The following HNF4A variants were observed in gnomAD, a reference collection of about 807,000 sequenced individuals.
HNF4A encodes the protein hepatocyte nuclear factor 4-alpha.
A neutral mutation model predicts 52.4 loss-of-function variants in HNF4A; 15 were observed. The observed-to-expected ratio is 0.29, with a 90% CI of 0.19 to 0.44. The LOEUF is 0.44. Among genes scored for constraint, HNF4A ranks in the 20% least tolerant of loss-of-function variants. HNF4A has a pLI of 1.00. For missense variants in HNF4A, 479 were observed against 647.2 expected (o/e 0.74, Z 2.82); for synonymous variants, 280 against 264.4 (o/e 1.06, Z -0.57).
intron 5 of HNF4A, among the ~76,000 whole-genome samples, chr20:44,416,106 A>G (rs1393521667): frequency 6.6e-6 from 1 of 152,104 alleles, no homozygotes; most frequent in African/African-American, 2.4e-5. Context: ...ATAACACAGG[A>G]CAATCATTAA....
chr20:44,371,476 G>A (rs928478499), intron 1 of HNF4A, among the ~76,000 whole-genome samples: 16 of 152,094 alleles, frequency 1.1e-4, no homozygotes, highest in Admixed American at 8.5e-4. Context: ...ACGGGGTTTC[G>A]CCATGTTGGC....
In HNF4A at chr20:44,414,523, C is replaced by G. The variant is rs768495780; in HGVS notation, c.509C>G (p.Ser170Cys). 1.9e-6 allele frequency: 3 copies of G among 1,614,248 alleles called. No homozygotes were observed. Among genetic ancestry groups the G allele is most frequent in the Middle Eastern group, 1.6e-4 (1 of 6,062 alleles). The change falls in exon 5 of 10, where the codon TCC becomes TGC. Residue 170 changes from serine (S) to cysteine (C), a missense_variant. Physicochemically the swap from Ser to Cys is moderately radical, Grantham distance 112. Transcript: ENST00000316099. ...CTCTCGAAGATCACCTCCCCCGTCT[C>G]CGGGATCAACGGCGACATTCGGGCG...
chr20:44,420,126 G>T (rs183771350), intron 7 of HNF4A, among the ~76,000 whole-genome samples: 1 of 152,188 alleles, frequency 6.6e-6, no homozygotes. Flanking sequence ...GAGGTCAGGG[G>T]TTCAAGATGA....
At chr20:44,403,093 G>A (rs1398600533) in intron 1 of HNF4A, among the ~76,000 whole-genome samples, 1 of 152,212 alleles carries the variant, frequency 6.6e-6, no homozygotes, top group Non-Finnish European at 1.5e-5. Context: ...TGCACTAGGT[G>A]GAGTGTTGTG....
At chr20:44,386,775 G>A (rs1036587301) in intron 1 of HNF4A, among the ~76,000 whole-genome samples, 14 of 152,148 alleles carry the variant, frequency 9.2e-5, no homozygotes, top group African/African-American at 2.9e-4. Context: ...TAGTGCTTAG[G>A]TCAAGAAACC....
chr20:44,406,759 G>A (rs1038714320), intron 2 of HNF4A, among the ~76,000 whole-genome samples: 7 of 152,226 alleles, frequency 4.6e-5, no homozygotes, highest in Admixed American at 2.6e-4. Context: ...CACTTGTCAT[G>A]TACAAAGACT....
chr20:44,358,586 G>A (rs1392518837), intron 1 of HNF4A, among the ~76,000 whole-genome samples: 1 of 151,988 alleles, frequency 6.6e-6, no homozygotes, highest in African/African-American at 2.4e-5. Flanking sequence ...ACTCCAGCTT[G>A]GGCAGCAGAA....
At position 44,406,440 on chromosome 20, in the gene HNF4A, C is replaced by T. The variant is rs566353108; in HGVS notation, c.290+208C>T. 2.6e-5 allele frequency among the ~76,000 whole-genome samples: 4 copies of T among 152,294 alleles called. No homozygotes were observed. In the South Asian group the frequency reaches 8.3e-4, roughly 32 times the overall value. ...TACTGATCATCAAGCTACTGGCTGC[C>T]GTTTATTGAGCTCTTATCATATGCC... On this transcript the variant is annotated intron_variant, in intron 2 of 9. Coordinates refer to ENST00000316099, the MANE Select transcript of HNF4A (RefSeq NM_000457.6).
intron 7 of HNF4A, among the ~76,000 whole-genome samples, chr20:44,421,793 T>TTA (rs767885296): frequency 4.8e-5 from 7 of 145,972 alleles, no homozygotes; most frequent in Admixed American, 6.9e-5. Flanking sequence ...ATAATATATA[T>TTA]TATATATATA....
In HNF4A at chr20:44,388,372, A is replaced by AC. The variant is rs11484360; in HGVS notation, c.50-17678dup. ...ACAAAGCCTGGAACCTTCCTCAAAG[A>AC]CCCCCCCCACCCCCGTACATTGGAA... On this transcript the variant is annotated intron_variant, in intron 1 of 9. Transcript: ENST00000316673. Among the ~76,000 whole-genome samples, 736 of 89,564 alleles carry AC rather than the reference A, an allele frequency of 8.2e-3. 194 individuals carry two copies. The highest frequency in any genetic ancestry group is 0.049 in the African/African-American group (595 of 12,138). 58.8% of individuals were successfully genotyped at this position (89,564 alleles called of 152,430 possible).
intron 2 of HNF4A, 118 bp from the exon 3 acceptor site, chr20:44,407,263 G>A (rs1309853935): frequency 1.0e-5 from 8 of 772,724 alleles, no homozygotes; most frequent in Non-Finnish European, 1.6e-5. Flanking sequence ...GAGAACTCCC[G>A]GGATGAAGAG....
At chr20:44,356,176 C>G (rs1331290024) in intron 1 of HNF4A, among the ~76,000 whole-genome samples, 1 of 152,148 alleles carries the variant, frequency 6.6e-6, no homozygotes, top group Non-Finnish European at 1.5e-5. Context: ...TTGGAAGCAC[C>G]GTCCTGTTTC....
chr20:44,363,942 G>A (rs889692124), intron 1 of HNF4A, among the ~76,000 whole-genome samples: 2 of 151,868 alleles, frequency 1.3e-5, no homozygotes, highest in Non-Finnish European at 1.5e-5. Flanking sequence ...CTCCCACCTC[G>A]GCCTCCCAAA....
At chr20:44,428,253 C>T (rs2063834975) in intron 8 of HNF4A, 82 bp from the exon 9 acceptor site, 2 of 1,450,520 alleles carry the variant, frequency 1.4e-6, no homozygotes, top group South Asian at 1.1e-5. Context: ...GGTTGATTGG[C>T]CACGCCTGAG....
intron 3 of HNF4A, among the ~76,000 whole-genome samples, chr20:44,410,669 G>A (rs2063568696): frequency 6.6e-6 from 1 of 152,074 alleles, no homozygotes; most frequent in South Asian, 2.1e-4. Flanking sequence ...TGGAAAGGTA[G>A]GATTTCAAGA....
intron 1 of HNF4A, among the ~76,000 whole-genome samples, chr20:44,382,597 A>G (rs1011066695): frequency 7.9e-5 from 12 of 152,212 alleles, no homozygotes; most frequent in African/African-American, 2.9e-4. Context: ...AAGTATTCAT[A>G]TTAAAATGAA....
chr20:44,419,703 C>T lies in HNF4A; in HGVS notation c.737-18C>T. 1 of 1,564,802 alleles carries T rather than the reference C, an allele frequency of 6.4e-7. No homozygotes were observed. The highest frequency in any genetic ancestry group is 8.8e-7 in the Non-Finnish European group (1 of 1,138,578). On this transcript the variant is annotated intron_variant, in intron 6 of 9. Coordinates refer to ENST00000316099, the MANE Select transcript of HNF4A (RefSeq NM_000457.6). ...CCCAAGGTGACTTCCCATCCTCCCT[C>T]CCTCCCAACCCTTCCAGGCAATGAC...
chr20:44,356,298 C>T (rs1418817841), intron 1 of HNF4A, among the ~76,000 whole-genome samples: 2 of 152,166 alleles, frequency 1.3e-5, no homozygotes, highest in Non-Finnish European at 2.9e-5. Context: ...TCCGCACCTC[C>T]GTTGGCTCTG....
intron 1 of HNF4A, among the ~76,000 whole-genome samples, chr20:44,373,988 C>T (rs572773696): frequency 6.6e-6 from 1 of 152,222 alleles, no homozygotes; most frequent in African/African-American, 2.4e-5. Flanking sequence ...CTGCACCAGG[C>T]CTTAATTAAA....
Sources: gnomAD v4.1 joint callset for allele counts (sites outside exome capture counted in the v4.1 genomes callset) on GRCh38, gnomAD v4.1.1 for gene constraint, MANE v1.5 for transcripts, NCBI Gene and HGNC (gene_info 2026-07-23, HGNC 2026-07-21) for gene names.